VPS13D: variants seen among roughly 807,000 people sequenced by gnomAD.
The protein encoded by VPS13D is vacuolar protein sorting 13 homolog D.
In VPS13D, 187 loss-of-function variants were observed where a neutral mutation model predicts 461.9. That is an observed-to-expected ratio of 0.40 (90% CI 0.36 to 0.46). The LOEUF (loss-of-function observed/expected upper bound fraction) is 0.46, where lower values mean the gene tolerates loss of function less well. VPS13D is among the 20% of genes least tolerant of loss of function. The pLI is 0.60. For synonymous variants in VPS13D, 1,951 were observed against 1,986.3 expected (o/e 0.98, Z 0.47); for missense variants, 4,711 against 5,364.9 (o/e 0.88, Z 3.81).
chr1:12,311,246 G>T (rs1455803123), intron 27 of VPS13D, among the ~76,000 whole-genome samples: 1 of 152,066 alleles, frequency 6.6e-6, no homozygotes, highest in Non-Finnish European at 1.5e-5. Flanking sequence ...TGTAAATTTT[G>T]GGAGAAAAGG....
At chr1:12,400,363 C>T (rs371598135) in intron 61 of VPS13D, 33 bp downstream of exon 61, 2 of 1,609,660 alleles carry the variant, frequency 1.2e-6, no homozygotes, top group African/African-American at 1.3e-5. Flanking sequence ...TGGGTTGATG[C>T]CATGCTGGAA....
chr1:12,488,669 C>CAAAAAA (rs79424685), intron 67 of VPS13D, among the ~76,000 whole-genome samples: 1 of 82,820 alleles, frequency 1.2e-5, no homozygotes, highest in Non-Finnish European at 2.5e-5. Context: ...TCATTTGAAC[C>CAAAAAA]AAAAAAAAAA....
At chr1:12,324,275 G>A (rs1643122013) in intron 35 of VPS13D, among the ~76,000 whole-genome samples, 2 of 152,184 alleles carry the variant, frequency 1.3e-5, no homozygotes, top group South Asian at 4.1e-4. Context: ...TGGGAGCAGA[G>A]GCAGATGGAT....
chr1:12,275,896 AC>A lies in VPS13D; in HGVS notation c.2314del (p.Leu772TrpfsTer37), dbSNP rs1368081924. ...CCAGTTTAGTGATGATGAATATAAG[AC>A]CCCCCTGGCCACACCTCCTAACACC... Reference protein sequence around the residue: ...ETQFSDDEYKTPLATPPNTPP... With the variant: ...ETQFSDDEYKXPLATPPNTPP... On this transcript the variant is annotated frameshift_variant, in exon 19 of 70. Coordinates refer to ENST00000620676, the MANE Select transcript of VPS13D (RefSeq NM_015378.4). LOFTEE classifies it high-confidence loss of function. 1 of 1,613,080 alleles carries A rather than the reference AC, an allele frequency of 6.2e-7. No homozygotes were observed.
Position 12,345,340 on chromosome 1 carries a change from T to C in VPS13D, c.8886-34T>C, listed in dbSNP as rs752905232. ...TACTTTTCATCCCTTCTGGAGATTGTGCCTAATATCTTTTTCTTTGTTCTG... is the reference window on the plus strand; with the variant it reads ...TACTTTTCATCCCTTCTGGAGATTGCGCCTAATATCTTTTTCTTTGTTCTG... On this transcript the variant is annotated intron_variant, in intron 42 of 69. Coordinates refer to ENST00000620676, the MANE Select transcript of VPS13D (RefSeq NM_015378.4). The C allele has an allele frequency of 4.4e-6, 7 of 1,586,992 alleles. No individual in the cohort carries two copies. In the South Asian group the frequency reaches 5.6e-5, roughly 13 times the overall value.
At chr1:12,308,784 T>A (rs752404710) in intron 27 of VPS13D, 143 bp downstream of exon 27, 35 of 753,970 alleles carry the variant, frequency 4.6e-5, no homozygotes, top group Non-Finnish European at 7.0e-5. Flanking sequence ...CCCAAGTAGC[T>A]GGGATTACAG....
intron 65 of VPS13D, among the ~76,000 whole-genome samples, chr1:12,438,790 G>C (rs1203557699): frequency 2.0e-5 from 3 of 152,242 alleles, no homozygotes; most frequent in African/African-American, 7.2e-5. Context: ...GACATGTAAA[G>C]AAGAACTAAT....
In VPS13D at chr1:12,237,653, T is replaced by TA. The variant is rs569451947; in HGVS notation, c.97+3301dup. Among the ~76,000 whole-genome samples, 130 of 142,614 alleles carry TA rather than the reference T, an allele frequency of 9.1e-4. 3 individuals carry two copies. Among genetic ancestry groups the TA allele is most frequent in the Admixed American group, 2.5e-3 (36 of 14,156 alleles). 93.6% of individuals were successfully genotyped at this position (142,614 alleles called of 152,430 possible). A position where few individuals can be genotyped will look rare whatever the true frequency, so the allele number is the denominator to read the frequency against. ...GGGCAACATGGTGAGATCCCTTCTC[T>TA]AAAAAAAAAAATAAATAAATAAAAT... is the stretch of plus-strand genomic sequence containing the variant. On this transcript the variant is annotated intron_variant, in intron 2 of 69. Transcript: ENST00000620676.
chr1:12,409,775 C>T (rs114587961), intron 63 of VPS13D: 5,834 of 426,718 alleles, frequency 0.014, 57 homozygotes, highest in Middle Eastern at 0.039. Flanking sequence ...TTGAGAACTT[C>T]AAGAAAAGAC....
In VPS13D at chr1:12,398,015, G is replaced by A. The variant is rs542899653; in HGVS notation, c.11635-2166G>A. ...CAGGCCTTAGAGGCTGTGGTGAGAA[G>A]TCTGGTTTATCCTAAGAGAAAGGGA... On this transcript the variant is annotated intron_variant, in intron 60 of 69. Transcript: ENST00000620676. 7.9e-5 allele frequency among the ~76,000 whole-genome samples: 12 copies of A among 152,328 alleles called. No individual in the cohort carries two copies. The South Asian group carries it at 1.4e-3, about 18-fold the overall frequency.
chr1:12,237,343 AT>A (rs1640187011), intron 2 of VPS13D, among the ~76,000 whole-genome samples: 2 of 139,716 alleles, frequency 1.4e-5, no homozygotes, highest in East Asian at 2.0e-4. Flanking sequence ...AAAAAAAAAA[AT>A]TAGCTGGGTA....
At chr1:12,337,819 C>A (rs767606172) in intron 39 of VPS13D, 1 of 160,964 alleles carries the variant, frequency 6.2e-6, no homozygotes, top group African/African-American at 2.4e-5. Flanking sequence ...TGGCATTTTA[C>A]TTCTGTGTTT....
intron 65 of VPS13D, among the ~76,000 whole-genome samples, chr1:12,424,835 C>T (rs943074855): frequency 6.6e-6 from 1 of 151,924 alleles, no homozygotes; most frequent in African/African-American, 2.4e-5. Context: ...CTTGATCTTC[C>T]AAAACTGGAG....
chr1:12,411,269 A>G (rs756106926), intron 63 of VPS13D, among the ~76,000 whole-genome samples: 6 of 152,222 alleles, frequency 3.9e-5, no homozygotes, highest in Admixed American at 2.6e-4. Flanking sequence ...GTCACTAGAG[A>G]CAGTATAGAA....
At chr1:12,314,416 C>T in intron 30 of VPS13D, 89 bp downstream of exon 30, 2 of 1,264,726 alleles carry the variant, frequency 1.6e-6, no homozygotes, top group Non-Finnish European at 2.2e-6. Context: ...ATCAAAAAAC[C>T]AAGGAATCAC....
At position 12,403,101 on chromosome 1, in the gene VPS13D, A is replaced by T. The variant is rs935066350; in HGVS notation, c.11882-724A>T. Among the ~76,000 whole-genome samples, 3 of 152,352 alleles carry T rather than the reference A, an allele frequency of 2.0e-5. No individual in the cohort carries two copies. The East Asian group carries it at 5.8e-4, about 29-fold the overall frequency. Reference sequence around the variant, plus strand: ...GCTTACAACATAAATGTGTTTGATAAGTAGGTATGTGCCAGCTCTCTGGTT... The same window carrying T: ...GCTTACAACATAAATGTGTTTGATATGTAGGTATGTGCCAGCTCTCTGGTT... On this transcript the variant is annotated intron_variant, in intron 62 of 69. Coordinates refer to ENST00000620676, the MANE Select transcript of VPS13D (RefSeq NM_015378.4).
intron 52 of VPS13D, 37 bp downstream of exon 52, chr1:12,363,284 C>G: frequency 6.2e-7 from 1 of 1,602,602 alleles, no homozygotes; most frequent in Non-Finnish European, 8.5e-7. Flanking sequence ...AAAAAGGTAG[C>G]CCCTGTTTGA....
chr1:12,262,831 G>C (rs1382193296), intron 13 of VPS13D, among the ~76,000 whole-genome samples: 1 of 151,876 alleles, frequency 6.6e-6, no homozygotes, highest in Non-Finnish European at 1.5e-5. Context: ...AGCCTCCTGA[G>C]TAGCTGTGAC....
In VPS13D at chr1:12,279,483, A is replaced by C; in HGVS notation, c.4451-16A>C. On this transcript the variant is annotated splice_polypyrimidine_tract_variant and intron_variant, in intron 19 of 69. Coordinates refer to ENST00000620676, the MANE Select transcript of VPS13D (RefSeq NM_015378.4). The surrounding 1 kb of genome is among the most constrained non-coding windows in gnomAD (Gnocchi z 4.3). ...ATTAAGGTTTATGGTCTATCATTTCATCTCTTTTATGCCAGCTTTTCACAT... is the reference window on the plus strand; with the variant it reads ...ATTAAGGTTTATGGTCTATCATTTCCTCTCTTTTATGCCAGCTTTTCACAT... 2 of 1,579,180 alleles carry C rather than the reference A, an allele frequency of 1.3e-6. No homozygotes were observed. The highest frequency in any genetic ancestry group is 1.7e-6 in the Non-Finnish European group (2 of 1,156,612).
Sources: allele counts gnomAD v4.1 joint callset (sites outside exome capture counted in the v4.1 genomes callset), GRCh38; gene constraint gnomAD v4.1.1; non-coding constraint Gnocchi (gnomAD v3.1); transcripts MANE v1.5; gene names NCBI Gene and HGNC (gene_info 2026-07-23, HGNC 2026-07-21).